KRT12: variants seen among roughly 807,000 people sequenced by gnomAD.
KRT12 encodes the protein keratin, type I cytoskeletal 12.
A neutral mutation model predicts 50.2 loss-of-function variants in KRT12; 43 were observed. That is an observed-to-expected ratio of 0.86 (90% CI 0.67 to 1.11). The LOEUF is 1.11. Ranked by LOEUF, KRT12 falls within the 50% of genes least tolerant of loss-of-function variation. The probability of loss-of-function intolerance (pLI) is 0.00; values close to 1 mark genes in which losing one functional copy is unlikely to be tolerated. For missense variants in KRT12, 588 were observed against 625.6 expected (o/e 0.94, Z 0.64); for synonymous variants, 257 against 253.6 (o/e 1.01, Z -0.13).
rs762794438 is a variant in KRT12 at position 40,861,720 on chromosome 17, C to T, written c.1426G>A (p.Glu476Lys). 3 of 1,613,988 alleles carry T rather than the reference C, an allele frequency of 1.9e-6. No homozygotes were observed. Among genetic ancestry groups the T allele is most frequent in the East Asian group, 4.5e-5 (2 of 44,850 alleles). ...KTRKIKTVVQEMVNGEVVSSQ... is the reference protein window; with the variant it reads ...KTRKIKTVVQKMVNGEVVSSQ... The stretch of plus-strand genomic sequence containing the variant: ...GAGACCACCTCACCATTCACCATCT[C>T]CTGCACAACTGTCTTGATTTTTCGG... The change falls in exon 8 of 8, where the codon GAG (glutamate) becomes AAG (lysine). Residue 476 changes from glutamate to lysine, a missense_variant. Physicochemically the swap from Glu to Lys is moderately conservative, Grantham distance 56. Coordinates refer to ENST00000251643, the MANE Select transcript of KRT12 (RefSeq NM_000223.4).
chr17:40,861,544 T>A lies in KRT12; in HGVS notation c.*117A>T. 1.4e-6 allele frequency: 1 copy of A among 732,392 alleles called. No individual in the cohort carries two copies. Among genetic ancestry groups the A allele is most frequent in the South Asian group, 1.5e-5 (1 of 66,678 alleles). 45.4% of individuals were successfully genotyped at this position (732,392 alleles called of 1,614,324 possible). On this transcript the variant is annotated 3_prime_UTR_variant, in exon 8 of 8. Transcript: ENST00000251643. ...ATGTGAATAGGGAATCCAAAGAAAA[T>A]GGAACAGACAAAAATAGGGATTGAA...
intron 3 of KRT12, among the ~76,000 whole-genome samples, chr17:40,864,118 G>A (rs989043768): frequency 3.3e-5 from 5 of 151,926 alleles, no homozygotes; most frequent in African/African-American, 1.2e-4. Flanking sequence ...ATATTCATGG[G>A]TCCCTGAAAT....
Position 40,863,971 on chromosome 17 carries a change from C to CAT in KRT12, c.808-108_808-107insAT. 1.6e-6 allele frequency: 1 copy of CAT among 635,768 alleles called. No homozygotes were observed. The highest frequency in any genetic ancestry group is 1.8e-5 in the African/African-American group (1 of 54,486). The allele number at this position is 635,768 out of a possible 1,614,324, so 39.4% of individuals were successfully genotyped here. On this transcript the variant is annotated intron_variant, in intron 3 of 7. Transcript: ENST00000251643. The surrounding 1 kb of genome is among the most constrained non-coding windows in gnomAD (Gnocchi z 4.2). ...CCCTTCCTACACACACACACACACACACACACACACACACACACACTTAAA... is the reference window on the plus strand; with the variant it reads ...CCCTTCCTACACACACACACACACACATACACACACACACACACACACTTAAA...
In KRT12 at chr17:40,863,096, T is replaced by C; in HGVS notation, c.1316+27A>G. On this transcript the variant is annotated intron_variant, in intron 6 of 7. Coordinates refer to ENST00000251643, the MANE Select transcript of KRT12 (RefSeq NM_000223.4). This position sits in a 1 kb window ranked among gnomAD's most constrained non-coding sequence, Gnocchi z 4.2. Reference sequence around the variant, plus strand: ...CCCACTCTTGGTCAGCCCCTGAAGGTGTTTACAGCCTCCGTTGTCTGCTCA... The same window carrying C: ...CCCACTCTTGGTCAGCCCCTGAAGGCGTTTACAGCCTCCGTTGTCTGCTCA... 1 of 1,599,654 alleles carries C rather than the reference T, an allele frequency of 6.3e-7. No individual in the cohort carries two copies. Among genetic ancestry groups the C allele is most frequent in the Non-Finnish European group, 8.6e-7 (1 of 1,166,868 alleles).
In KRT12 at chr17:40,863,249, T is replaced by A. The variant is rs1370057766; in HGVS notation, c.1190A>T (p.Gln397Leu). The change falls in exon 6 of 8, where the codon CAG becomes CTG. Residue 397 changes from glutamine to leucine, a missense_variant. Physicochemically the swap from Gln to Leu is moderately radical, Grantham distance 113. Transcript: ENST00000251643. This position sits in a 1 kb window ranked among gnomAD's most constrained non-coding sequence, Gnocchi z 4.2. Reference protein sequence around the residue: ...VQQLISNLEAQLLQVRADAER... With the variant: ...VQQLISNLEALLLQVRADAER... ...TGCGTCCGCGCGCACCTGGAGCAGC[T>A]GTGCCTCCAGGTTGCTGATGAGCTG... 1 of 1,613,986 alleles carries A rather than the reference T, an allele frequency of 6.2e-7. No homozygotes were observed. Among genetic ancestry groups the A allele is most frequent in the Non-Finnish European group, 8.5e-7 (1 of 1,179,976 alleles).
At position 40,864,959 on chromosome 17, in the gene KRT12, A is replaced by T. The variant is rs750069035; in HGVS notation, c.654T>A (p.Tyr218Ter). The change falls in exon 3 of 8, where the codon TAT becomes TAA. Residue 218 changes from tyrosine to a stop codon, truncating the protein, a stop_gained. Transcript: ENST00000251643. LOFTEE classifies it high-confidence loss of function. ...RLAAEDFRMK[Y>*]ENELALRQGV... ...CCTGGCGCAGGGCCAGTTCATTCTC[A>T]TACCTGAAAACCAAGTGCAAAGCAG... 3 of 1,614,232 alleles carry T rather than the reference A, an allele frequency of 1.9e-6. No homozygotes were observed. Among genetic ancestry groups the T allele is most frequent in the Admixed American group, 1.7e-5 (1 of 60,030 alleles).
rs1373612873 is a variant in KRT12, at chr17:40,861,335, T to C, written c.*326A>G. On this transcript the variant is annotated 3_prime_UTR_variant, in exon 8 of 8. Coordinates refer to ENST00000251643, the MANE Select transcript of KRT12 (RefSeq NM_000223.4). ...TCATCTTTTATTACAATTAACTCTA[T>C]TAAAACAATACTACTTGATTAAAGC... The C allele has an allele frequency of 5.9e-6, 2 of 339,540 alleles. No individual in the cohort carries two copies. The highest frequency in any genetic ancestry group is 8.8e-5 in the Admixed American group (2 of 22,702). The allele number at this position is 339,540 out of a possible 1,614,324, so 21.0% of individuals were successfully genotyped here.
Position 40,866,632 on chromosome 17 carries a change from G to A in KRT12, c.555C>T (p.Asp185=). 2 of 1,613,778 alleles carry A rather than the reference G, an allele frequency of 1.2e-6. No homozygotes were observed. The highest frequency in any genetic ancestry group is 2.2e-5 in the East Asian group (1 of 44,878). Residue 185 remains aspartate, a synonymous_variant, in exon 1 of 8, where the codon GAC becomes GAT. Coordinates refer to ENST00000251643, the MANE Select transcript of KRT12 (RefSeq NM_000223.4). ...AAAGAGATCTTACCTTATTCCTGAG[G>A]TCTTCAATCAGTGGATAATATTTGC... ...DYSKYYPLIE[D]LRNKIISASI...
chr17:40,864,763 G>GGA lies in KRT12; in HGVS notation c.807+42_807+43insTC, dbSNP rs1555552202. 5 of 1,488,764 alleles carry GGA rather than the reference G, an allele frequency of 3.4e-6. No individual in the cohort carries two copies. The African/African-American group carries it at 5.8e-5, about 17-fold the overall frequency. The allele number at this position is 1,488,764 out of a possible 1,614,324, so 92.2% of individuals were successfully genotyped here. A position where few individuals can be genotyped will look rare whatever the true frequency, so the allele number is the denominator to read the frequency against. On this transcript the variant is annotated intron_variant, in intron 3 of 7. Coordinates refer to ENST00000251643, the MANE Select transcript of KRT12 (RefSeq NM_000223.4). ...GAAATTGTAATTTTTGGGTCTGGGA[G>GGA]AAAAAAAAAAGTAGCTGAGTGAGGC... is the stretch of plus-strand genomic sequence containing the variant.
chr17:40,861,980 C>T (rs1195911993), intron 7 of KRT12, among the ~76,000 whole-genome samples: 1 of 152,118 alleles, frequency 6.6e-6, no homozygotes, highest in African/African-American at 2.4e-5. Context: ...TTTAAGAAAA[C>T]ATTTCAAAGG....
intron 7 of KRT12, 66 bp downstream of exon 7, chr17:40,862,499 T>C: frequency 3.9e-6 from 4 of 1,037,756 alleles, no homozygotes; most frequent in Non-Finnish European, 6.1e-6. Context: ...CAATGAGGTC[T>C]TACAGGTTTT....
chr17:40,866,285 G>A lies in KRT12; in HGVS notation c.568-48C>T, dbSNP rs748515658. ...ACAAGATTGAAGCCCTAAAAGACTA[G>A]TATTATACAAATATATTTTTGACAC... On this transcript the variant is annotated intron_variant, in intron 1 of 7. Coordinates refer to ENST00000251643, the MANE Select transcript of KRT12 (RefSeq NM_000223.4). 15 of 1,390,904 alleles carry A rather than the reference G, an allele frequency of 1.1e-5. 1 individual carries two copies. Among genetic ancestry groups the A allele is most frequent in the East Asian group, 2.3e-5 (1 of 43,812 alleles). The allele number at this position is 1,390,904 out of a possible 1,614,324, so 86.2% of individuals were successfully genotyped here. A position where few individuals can be genotyped will look rare whatever the true frequency, so the allele number is the denominator to read the frequency against.
chr17:40,862,221 A>G (rs1906828506), intron 7 of KRT12, among the ~76,000 whole-genome samples: 1 of 152,024 alleles, frequency 6.6e-6, no homozygotes, highest in South Asian at 2.1e-4. Context: ...GGTATACACC[A>G]CCACACCCAG....
At chr17:40,862,963 T>G in intron 6 of KRT12, 160 bp downstream of exon 6, 3 of 705,534 alleles carry the variant, frequency 4.3e-6, no homozygotes, top group Non-Finnish European at 7.4e-6. Context: ...GTGAAAACAC[T>G]TTGCAAAGTG....
At chr17:40,866,371 T>G in intron 1 of KRT12, 134 bp from the exon 2 acceptor site, 1 of 785,800 alleles carries the variant, frequency 1.3e-6, no homozygotes, top group Non-Finnish European at 2.2e-6. Flanking sequence ...GTTTCATTTT[T>G]CTAAGACAAT....
rs893372282 is a variant in KRT12, at chr17:40,862,748, A to T, written c.1317-113T>A. ...TTTGTAGGCCTGAGTTCTTCCAACT[A>T]GTGCAGACTCTGATCACTTTTGGAA... On this transcript the variant is annotated intron_variant, in intron 6 of 7. Transcript: ENST00000251643. The T allele has an allele frequency of 1.6e-5, 13 of 819,048 alleles. No homozygotes were observed. In the South Asian group the frequency reaches 1.6e-4, roughly 10 times the overall value. 50.7% of individuals were successfully genotyped at this position (819,048 alleles called of 1,614,324 possible).
In KRT12 at chr17:40,867,108, T is replaced by A; in HGVS notation, c.79A>T (p.Ile27Leu). 6.2e-7 allele frequency: 1 copy of A among 1,613,834 alleles called. No homozygotes were observed. Among genetic ancestry groups the A allele is most frequent in the Non-Finnish European group, 8.5e-7 (1 of 1,180,030 alleles). ...LSRRLSSQSVIGRPRGMSASS... is the reference protein window; with the variant it reads ...LSRRLSSQSVLGRPRGMSASS... ...GCAGACATGCCCCTGGGTCTGCCTA[T>A]CACACTCTGCGAGGAGAGCCGCCGG... Residue 27 changes from isoleucine (I) to leucine (L), a missense_variant, in exon 1 of 8, where the codon ATA becomes TTA. Ile to Leu is a conservative substitution (Grantham distance 5, BLOSUM62 2). Transcript: ENST00000251643.
Position 40,866,521 on chromosome 17 carries a change from T to C in KRT12, c.567+99A>G, listed in dbSNP as rs114037478. ...GAAAATTGCTGCAAGTACAGCTAAA[T>C]TGGAAAATATCAAAGTTGTAGGTGA... On this transcript the variant is annotated intron_variant, in intron 1 of 7. Transcript: ENST00000251643. 1,111 of 1,092,096 alleles carry C rather than the reference T, an allele frequency of 1.0e-3. 9 individuals are homozygous for C. The African/African-American group carries it at 0.016, about 16-fold the overall frequency. 67.7% of individuals were successfully genotyped at this position (1,092,096 alleles called of 1,614,324 possible). A position where few individuals can be genotyped will look rare whatever the true frequency, so the allele number is the denominator to read the frequency against.
At chr17:40,865,684 T>C (rs1257212896) in intron 2 of KRT12, among the ~76,000 whole-genome samples, 1 of 151,744 alleles carries the variant, frequency 6.6e-6, no homozygotes, top group African/African-American at 2.4e-5. Flanking sequence ...AATAATTAGC[T>C]GGGCACGGTG....
Sources: allele counts gnomAD v4.1 joint callset (sites outside exome capture counted in the v4.1 genomes callset), GRCh38; gene constraint gnomAD v4.1.1; non-coding constraint Gnocchi (gnomAD v3.1); transcripts MANE v1.5; gene names NCBI Gene and HGNC (gene_info 2026-07-23, HGNC 2026-07-21).